Variants in TMEM132A observed in about 807,000 individuals in gnomAD.
TMEM132A encodes GRP78-binding protein.
TMEM132A carries 48 observed loss-of-function variants against 69.9 expected under a neutral mutation model. The ratio of observed to expected loss-of-function variants is 0.69; its 90% CI spans 0.55 to 0.87. The LOEUF is 0.87. Among genes scored for constraint, TMEM132A ranks in the 40% least tolerant of loss-of-function variants. The pLI is 0.00. For missense variants in TMEM132A, 1,287 were observed against 1,407.2 expected, an observed-to-expected ratio of 0.91 and a Z score of 1.37; for synonymous variants, 577 against 613.7, an observed-to-expected ratio of 0.94 and a Z score of 0.88.
rs9513 is a variant in TMEM132A at position 60,933,664 on chromosome 11, C to G, written c.1479C>G (p.Pro493=). Residue 493 remains proline (P), a synonymous_variant, in exon 8 of 11, where the codon CCC becomes CCG. Transcript: ENST00000453848. ...CGCTGCGGCTGACCGTGTGGGCCCC[C>G]CTGCTACCGCTGCGTATCGAGCTCA... ...RASLRLTVWA[P]LLPLRIELTD... is the part of the protein sequence containing the mutation. 680,878 of 1,603,758 alleles carry G rather than the reference C, an allele frequency of 0.42. 145,448 individuals carry two copies. The highest frequency in any genetic ancestry group is 0.48 in the Middle Eastern group (2,378 of 4,954).
chr11:60,934,381 G>C, intron 8 of TMEM132A, 107 bp from the exon 9 acceptor site: 1 of 1,047,040 alleles, frequency 9.6e-7, no homozygotes, highest in Admixed American at 4.3e-5. Flanking sequence ...GGAGCTGCTG[G>C]TGATTAGGAG....
In TMEM132A at chr11:60,927,370, G is replaced by A. The variant is rs1856369326; in HGVS notation, c.267G>A (p.Arg89=). The change falls in exon 2 of 11, where the codon AGG becomes AGA. Residue 89 remains arginine (R), a synonymous_variant. Transcript: ENST00000453848. ...TTCTGCTCCTACAGCCCTGGCCCAGGGCCCAGCCACTTCTCCGGGCCTCCT... is the reference window on the plus strand; with the variant it reads ...TTCTGCTCCTACAGCCCTGGCCCAGAGCCCAGCCACTTCTCCGGGCCTCCT... The part of the protein sequence containing the change: ...ETFLLLQPWP[R]AQPLLRASYP... 2 of 1,613,136 alleles carry A rather than the reference G, an allele frequency of 1.2e-6. No individual in the cohort carries two copies. Among genetic ancestry groups the A allele is most frequent in the African/African-American group, 2.7e-5 (2 of 74,864 alleles).
chr11:60,935,402 GCTA>G lies in TMEM132A; in HGVS notation c.1989_1991del (p.Thr664del). The G allele has an allele frequency of 6.2e-7, 1 of 1,611,184 alleles. No individual in the cohort carries two copies. The highest frequency in any genetic ancestry group is 8.5e-7 in the Non-Finnish European group (1 of 1,179,042). ...CACTGCCCACCCCGGGGAGGTCACA[GCTA>G]CGTGCTGGGCACAGTCAGCCCTTCC... On this transcript the variant is annotated inframe_deletion, in exon 10 of 11. Coordinates refer to ENST00000453848, the MANE Select transcript of TMEM132A (RefSeq NM_178031.3). This position sits in a 1 kb window ranked among gnomAD's most constrained non-coding sequence, Gnocchi z 5.0.
intron 4 of TMEM132A, 133 bp downstream of exon 4, chr11:60,929,093 C>A: frequency 1.1e-6 from 1 of 886,166 alleles, no homozygotes; most frequent in Non-Finnish European, 1.7e-6. Context: ...AAACTAAACT[C>A]CTTCCAGGTA....
At chr11:60,933,861 C>G in intron 8 of TMEM132A, 117 bp downstream of exon 8, 1 of 969,262 alleles carries the variant, frequency 1.0e-6, no homozygotes. Context: ...CTGTTGCTTG[C>G]AGTTCCTTCT....
chr11:60,928,389 A>G (rs1856398197), intron 3 of TMEM132A, among the ~76,000 whole-genome samples: 1 of 152,154 alleles, frequency 6.6e-6, no homozygotes, highest in Admixed American at 6.5e-5. Context: ...CTTACTTTGT[A>G]ATGAGACCTA....
chr11:60,925,199 T>G, intron 1 of TMEM132A: 1 of 153,856 alleles, frequency 6.5e-6, no homozygotes. Context: ...TCCCTCCCCC[T>G]TCCCCCAGGG....
intron 7 of TMEM132A, chr11:60,932,519 C>T (rs1052552933): frequency 5.7e-6 from 1 of 173,942 alleles, no homozygotes; most frequent in African/African-American, 2.4e-5. Flanking sequence ...GAGAACATAT[C>T]TTCGGGTTGT....
At position 60,927,679 on chromosome 11, in the gene TMEM132A, A is replaced by C. The variant is rs1354572732; in HGVS notation, c.354A>C (p.Pro118=). 1 of 1,613,390 alleles carries C rather than the reference A, an allele frequency of 6.2e-7. No homozygotes were observed. Among genetic ancestry groups the C allele is most frequent in the East Asian group, 2.2e-5 (1 of 44,870 alleles). The part of the protein sequence containing the change: ...PPRVTEPHQR[P]VPWDVRAVSV... ...GAGTCACTGAGCCCCACCAACGGCC[A>C]GTCCCATGGGACGTGCGGGCCGTTT... Residue 118 remains proline (P), a synonymous_variant, in exon 3 of 11, where the codon CCA becomes CCC. Coordinates refer to ENST00000453848, the MANE Select transcript of TMEM132A (RefSeq NM_178031.3).
intron 7 of TMEM132A, 88 bp downstream of exon 7, chr11:60,932,215 C>A (rs1021558776): frequency 1.4e-6 from 2 of 1,429,610 alleles, no homozygotes; most frequent in Non-Finnish European, 1.8e-6. Flanking sequence ...TCATGTGGGT[C>A]CCCAAGAGAA....
At chr11:60,924,796 T>G in intron 1 of TMEM132A, 63 bp downstream of exon 1, 1 of 1,202,538 alleles carries the variant, frequency 8.3e-7, no homozygotes, top group Non-Finnish European at 1.1e-6. Context: ...GAGCGAGTGA[T>G]GCCCGGGAGC....
chr11:60,927,066 T>TG, intron 1 of TMEM132A, 138 bp from the exon 2 acceptor site: 1 of 751,506 alleles, frequency 1.3e-6, no homozygotes, highest in Non-Finnish European at 2.4e-6. Flanking sequence ...ATCTGTGAAA[T>TG]GGTGGTGAGA....
chr11:60,928,793 A>G lies in TMEM132A; in HGVS notation c.699A>G (p.Pro233=). 6.2e-7 allele frequency: 1 copy of G among 1,610,722 alleles called. No homozygotes were observed. The highest frequency in any genetic ancestry group is 2.2e-5 in the East Asian group (1 of 44,846). The change falls in exon 4 of 11, where the codon CCA becomes CCG. Residue 233 remains proline, a synonymous_variant. Transcript: ENST00000453848. ...ACGACCCTGGGGAGCAGGCCCTCCCAGTGGGGGGTGTGGAGCTGCGCCCAG... is the reference window on the plus strand; with the variant it reads ...ACGACCCTGGGGAGCAGGCCCTCCCGGTGGGGGGTGTGGAGCTGCGCCCAG... ...EENDPGEQAL[P]VGGVELRPAD...
chr11:60,928,047 C>T (rs1338828517), intron 3 of TMEM132A, among the ~76,000 whole-genome samples, 188 bp downstream of exon 3: 2 of 152,182 alleles, frequency 1.3e-5, no homozygotes, highest in Non-Finnish European at 2.9e-5. Context: ...GGAGTTCAGT[C>T]CTTGGTGTGT....
intron 1 of TMEM132A, 82 bp from the exon 2 acceptor site, chr11:60,927,122 C>A: frequency 1.7e-6 from 2 of 1,147,030 alleles, no homozygotes; most frequent in Non-Finnish European, 2.6e-6. Context: ...TTGCCCACAA[C>A]TACTGTGCCC....
At chr11:60,929,931 G>C (rs991675067) in intron 4 of TMEM132A, among the ~76,000 whole-genome samples, 31 of 152,138 alleles carry the variant, frequency 2.0e-4, no homozygotes, top group African/African-American at 7.5e-4. Flanking sequence ...GGAGCTGGAT[G>C]GGCATGAATT....
In TMEM132A at chr11:60,931,912, A is replaced by G. The variant is rs549907088; in HGVS notation, c.1212+28A>G. ...AAGGAGACCTCCATCTCTGCCTGGG[A>G]AGGCTGGAGGCCAAGTCCCAGGAGC... On this transcript the variant is annotated intron_variant, in intron 6 of 10. Coordinates refer to ENST00000453848, the MANE Select transcript of TMEM132A (RefSeq NM_178031.3). The G allele has an allele frequency of 3.1e-6, 5 of 1,614,162 alleles. No homozygotes were observed. In the South Asian group the frequency reaches 5.5e-5, roughly 18 times the overall value.
At chr11:60,931,312 G>T (rs1324673520) in intron 5 of TMEM132A, among the ~76,000 whole-genome samples, 1 of 152,198 alleles carries the variant, frequency 6.6e-6, no homozygotes, top group African/African-American at 2.4e-5. Flanking sequence ...TCATTCAGAG[G>T]GTCAAGTGTC....
At chr11:60,931,501 G>C (rs1192329867) in intron 5 of TMEM132A, among the ~76,000 whole-genome samples, 188 bp from the exon 6 acceptor site, 1 of 152,214 alleles carries the variant, frequency 6.6e-6, no homozygotes, top group Admixed American at 6.5e-5. Flanking sequence ...TTGGGGTCTA[G>C]AGCGAGGATG....
Sources: allele counts gnomAD v4.1 joint callset (sites outside exome capture counted in the v4.1 genomes callset), GRCh38; gene constraint gnomAD v4.1.1; non-coding constraint Gnocchi (gnomAD v3.1); transcripts MANE v1.5; gene names NCBI Gene and HGNC (gene_info 2026-07-23, HGNC 2026-07-21).